The following TUSC3 variants were observed in gnomAD, a reference collection of about 807,000 sequenced individuals.
The protein encoded by TUSC3 is tumor suppressor candidate 3.
TUSC3 carries 45 observed loss-of-function variants against 44.8 expected under a neutral mutation model. The observed-to-expected ratio is 1.00, with a 90% CI of 0.79 to 1.29. The LOEUF is 1.29. Ranked by LOEUF, TUSC3 falls within the 50% of genes most tolerant of loss-of-function variation. The pLI is 0.00. For synonymous variants in TUSC3, 212 were observed against 152.9 expected, an observed-to-expected ratio of 1.39 and a Z score of -2.85; for missense variants, 519 against 437.9, an observed-to-expected ratio of 1.19 and a Z score of -1.65.
At chr8:15,645,123 C>G (rs1261208924) in intron 2 of TUSC3, among the ~76,000 whole-genome samples, 3 of 152,116 alleles carry the variant, frequency 2.0e-5, no homozygotes, top group African/African-American at 7.2e-5. Flanking sequence ...TCATTTTCTT[C>G]TCCTCCAATA....
chr8:15,561,005 G>C lies in TUSC3; in HGVS notation c.138+20437G>C, dbSNP rs184670139. On this transcript the variant is annotated intron_variant, in intron 1 of 10. Transcript: ENST00000503731. Reference sequence around the variant, plus strand: ...GTCTGAAGCCTTCTTCTCTCAGCTCGTCAAAGTCATTCTCCATCCAGCTTT... The same window carrying C: ...GTCTGAAGCCTTCTTCTCTCAGCTCCTCAAAGTCATTCTCCATCCAGCTTT... 2.9e-3 allele frequency among the ~76,000 whole-genome samples: 375 copies of C among 131,438 alleles called. 1 individual carries two copies. The highest frequency in any genetic ancestry group is 0.01 in the African/African-American group (361 of 34,940). 86.2% of individuals were successfully genotyped at this position (131,438 alleles called of 152,430 possible).
chr8:15,617,495 G>A (rs951778970), intron 1 of TUSC3, among the ~76,000 whole-genome samples: 7 of 151,986 alleles, frequency 4.6e-5, no homozygotes, highest in Non-Finnish European at 8.8e-5. Context: ...CCTGTCCAAC[G>A]TCACAATATG....
At chr8:15,517,630 C>T (rs78927882) in intron 2 of TUSC3, among the ~76,000 whole-genome samples, 6 of 141,488 alleles carry the variant, frequency 4.2e-5, no homozygotes, top group South Asian at 4.7e-4. Context: ...ACAAAATTTA[C>T]GAATGTATAC....
At chr8:15,506,771 A>G (rs191038455) in intron 2 of TUSC3, among the ~76,000 whole-genome samples, 1 of 152,258 alleles carries the variant, frequency 6.6e-6, no homozygotes, top group East Asian at 1.9e-4. Flanking sequence ...TGAGGATTAT[A>G]GGAGCTACAT....
At chr8:15,728,243 G>C (rs1419086106) in intron 6 of TUSC3, among the ~76,000 whole-genome samples, 4 of 152,150 alleles carry the variant, frequency 2.6e-5, no homozygotes, top group Non-Finnish European at 5.9e-5. Flanking sequence ...CTGAATGACA[G>C]ATCAACTCTA....
chr8:15,660,216 A>T (rs1215682640), intron 4 of TUSC3, among the ~76,000 whole-genome samples: 2 of 152,052 alleles, frequency 1.3e-5, no homozygotes, highest in African/African-American at 4.8e-5. Flanking sequence ...TTTTATTGGG[A>T]AAAATTGAAT....
intron 1 of TUSC3, among the ~76,000 whole-genome samples, chr8:15,570,275 C>T (rs898929879): frequency 1.7e-4 from 24 of 143,374 alleles, no homozygotes; most frequent in African/African-American, 7.1e-4. Context: ...TACACACACA[C>T]ACACACACAC....
intron 3 of TUSC3, among the ~76,000 whole-genome samples, chr8:15,653,213 G>C (rs1203822467): frequency 1.3e-5 from 2 of 152,176 alleles, no homozygotes; most frequent in African/African-American, 4.8e-5. Context: ...GCAGATTGGA[G>C]AGAGGATTTG....
At chr8:15,771,898 C>T in the TUSC3 span, among the ~76,000 whole-genome samples, 2 of 152,120 alleles carry the variant, frequency 1.3e-5, no homozygotes, top group South Asian at 2.1e-4. Flanking sequence ...ACCATCCTGG[C>T]TAACACGGTG....
the TUSC3 span, among the ~76,000 whole-genome samples, chr8:15,813,953 C>G: frequency 6.6e-6 from 1 of 152,150 alleles, no homozygotes; most frequent in Non-Finnish European, 1.5e-5. Flanking sequence ...CACTTAACCT[C>G]TGTGTGTCTG....
chr8:15,588,560 T>C (rs922014407), intron 1 of TUSC3, among the ~76,000 whole-genome samples: 1 of 152,192 alleles, frequency 6.6e-6, no homozygotes, highest in Non-Finnish European at 1.5e-5. Context: ...TTTAGTTTTA[T>C]GTAGTCCAAT....
At chr8:15,446,483 C>G (rs1800104109) in intron 1 of TUSC3, among the ~76,000 whole-genome samples, 1 of 152,034 alleles carries the variant, frequency 6.6e-6, no homozygotes, top group Non-Finnish European at 1.5e-5. Flanking sequence ...CCCGGCACCT[C>G]AGGAGGCCCA....
rs182943796 is a variant in TUSC3, at chr8:15,488,607, G to C, written n.189+5124G>C. 1.6e-3 allele frequency among the ~76,000 whole-genome samples: 247 copies of C among 152,272 alleles called. 1 individual carries two copies. The highest frequency in any genetic ancestry group is 5.7e-3 in the African/African-American group (237 of 41,544). ...CAGTGTGTTGTTTATTTGGAGGTAG[G>C]TCCTTTGGGAGCTCATTAGTTTTAG... On this transcript the variant is annotated intron_variant and non_coding_transcript_variant, in intron 2 of 5. Transcript: ENST00000503191.
chr8:15,613,310 G>A (rs534018236), intron 1 of TUSC3, among the ~76,000 whole-genome samples: 34 of 151,870 alleles, frequency 2.2e-4, no homozygotes, highest in African/African-American at 7.0e-4. Context: ...GAGATTGAAG[G>A]TATTAATGAG....
chr8:15,839,742 G>T, the TUSC3 span, among the ~76,000 whole-genome samples: 2 of 152,178 alleles, frequency 1.3e-5, no homozygotes, highest in African/African-American at 4.8e-5. Context: ...TGCTGGAGAG[G>T]ATGTGGAGAA....
intron 1 of TUSC3, among the ~76,000 whole-genome samples, chr8:15,464,712 G>A (rs1390285422): frequency 6.6e-6 from 1 of 152,016 alleles, no homozygotes; most frequent in East Asian, 1.9e-4. Context: ...AACTTTTACT[G>A]TCTGTAAAGC....
chr8:15,583,714 C>T (rs567836842), intron 1 of TUSC3, among the ~76,000 whole-genome samples: 121 of 152,228 alleles, frequency 7.9e-4, no homozygotes, highest in South Asian at 5.6e-3. Context: ...CAAGACTGTA[C>T]ATGCCATATT....
chr8:15,687,755 C>T (rs549984612), intron 6 of TUSC3, among the ~76,000 whole-genome samples: 2 of 152,230 alleles, frequency 1.3e-5, no homozygotes, highest in African/African-American at 2.4e-5. Flanking sequence ...GTGGCAGATA[C>T]TAAATAAATG....
chr8:15,792,443 T>A, the TUSC3 span, among the ~76,000 whole-genome samples: 1 of 152,150 alleles, frequency 6.6e-6, no homozygotes, highest in African/African-American at 2.4e-5. Context: ...AGCTTACTTC[T>A]CACCTATACT....
Sources: gnomAD v4.1 joint callset for allele counts (sites outside exome capture counted in the v4.1 genomes callset) on GRCh38, gnomAD v4.1.1 for gene constraint, MANE v1.5 for transcripts, NCBI Gene and HGNC (gene_info 2026-07-23, HGNC 2026-07-21) for gene names.